DERA: variants seen among roughly 807,000 people sequenced by gnomAD.
DERA encodes the protein deoxyribose-phosphate aldolase.
A neutral mutation model predicts 41.1 loss-of-function variants in DERA; 15 were observed. That is an observed-to-expected ratio of 0.37 (90% CI 0.24 to 0.56). The LOEUF (loss-of-function observed/expected upper bound fraction) is 0.56, where lower values mean the gene tolerates loss of function less well. DERA is among the 20% of genes least tolerant of loss of function. The pLI, the probability that DERA is intolerant of heterozygous loss-of-function variation, is 0.81. For synonymous variants in DERA, 139 were observed against 137.4 expected (o/e 1.01, Z -0.08); for missense variants, 396 against 403.4 (o/e 0.98, Z 0.16).
intron 1 of DERA, among the ~76,000 whole-genome samples, chr12:15,942,206 G>A (rs1948413552): frequency 6.6e-6 from 1 of 152,054 alleles, no homozygotes; most frequent in African/African-American, 2.4e-5. Flanking sequence ...CTTTTAATGG[G>A]ATTACTTGTT....
Position 15,976,277 on chromosome 12 carries a change from T to TTGA in DERA, c.509-6030_509-6028dup, listed in dbSNP as rs1405860201. ...TGCCTTTTTATCAATTGCTTTGTGT[T>TTGA]TGACAATCTCTAGAACCTGCGGGTT... On this transcript the variant is annotated intron_variant, in intron 5 of 8. Coordinates refer to ENST00000428559, the MANE Select transcript of DERA (RefSeq NM_015954.4). This position sits in a 1 kb window ranked among gnomAD's most constrained non-coding sequence, Gnocchi z 4.1. 1.2e-4 allele frequency among the ~76,000 whole-genome samples: 18 copies of TTGA among 152,310 alleles called. No homozygotes were observed. Among genetic ancestry groups the TTGA allele is most frequent in the Non-Finnish European group, 2.9e-5 (2 of 68,028 alleles).
chr12:15,982,358 C>T lies in DERA; in HGVS notation c.559C>T (p.Leu187Phe), dbSNP rs752845152. ...TCGCAAGGCCTGTGGGGAGGCTCAT[C>T]TTAAAACTATATTAGCGACAGGAGA... ...QFRKACGEAH[L>F]KTILATGELG... Residue 187 changes from leucine (L) to phenylalanine (F), a missense_variant, in exon 6 of 9, where the codon CTT (leucine) becomes TTT (phenylalanine). Physicochemically the swap from Leu to Phe is conservative, Grantham distance 22 (BLOSUM62 0). Coordinates refer to ENST00000428559, the MANE Select transcript of DERA (RefSeq NM_015954.4). This position sits in a 1 kb window ranked among gnomAD's most constrained non-coding sequence, Gnocchi z 4.0. 1.6e-5 allele frequency: 26 copies of T among 1,613,810 alleles called. 1 individual carries two copies. In the South Asian group the frequency reaches 2.5e-4, roughly 16 times the overall value.
rs1948547823 is a variant in DERA at position 15,957,339 on chromosome 12, C to T, written c.129+306C>T. Among the ~76,000 whole-genome samples, 1 of 152,110 alleles carries T rather than the reference C, an allele frequency of 6.6e-6. No homozygotes were observed. Among genetic ancestry groups the T allele is most frequent in the Admixed American group, 6.5e-5 (1 of 15,278 alleles). On this transcript the variant is annotated intron_variant, in intron 2 of 8. Transcript: ENST00000428559. This position sits in a 1 kb window ranked among gnomAD's most constrained non-coding sequence, Gnocchi z 4.8. ...CATTTATTCAGTTTTTTAGACATGC[C>T]TTCTTTGGTTGTCTTCTGTTTTAAT...
intron 5 of DERA, among the ~76,000 whole-genome samples, chr12:15,978,864 A>G (rs575124459): frequency 1.3e-5 from 2 of 152,318 alleles, no homozygotes; most frequent in African/African-American, 2.4e-5. Context: ...TTCCTTGAGC[A>G]TGAACAATGT....
At chr12:15,930,768 G>A (rs1174341606) in intron 1 of DERA, among the ~76,000 whole-genome samples, 1 of 152,084 alleles carries the variant, frequency 6.6e-6, no homozygotes, top group South Asian at 2.1e-4. Context: ...CCCCTCATAA[G>A]ATATGCTTTT....
chr12:15,940,437 C>T lies in DERA; in HGVS notation c.32-16499C>T, dbSNP rs2136135863. On this transcript the variant is annotated intron_variant, in intron 1 of 8. Transcript: ENST00000428559. This position sits in a 1 kb window ranked among gnomAD's most constrained non-coding sequence, Gnocchi z 5.1. ...CATGATCTTGGCTCACTGCAACCTCCACCTCCCGGGTTCAAACGATTCTTC... is the reference window on the plus strand; with the variant it reads ...CATGATCTTGGCTCACTGCAACCTCTACCTCCCGGGTTCAAACGATTCTTC... Among the ~76,000 whole-genome samples the T allele has an allele frequency of 6.6e-6, 1 of 152,176 alleles. No individual in the cohort carries two copies. Among genetic ancestry groups the T allele is most frequent in the East Asian group, 1.9e-4 (1 of 5,180 alleles).
rs1255610101 is a variant in DERA, at chr12:16,017,706, AT to A, written c.638-14829del. On this transcript the variant is annotated intron_variant, in intron 6 of 8. Transcript: ENST00000428559. This position sits in a 1 kb window ranked among gnomAD's most constrained non-coding sequence, Gnocchi z 5.5. Reference sequence around the variant, plus strand: ...CTTATATCTTTGCATACCCTGCTTAATTTTTTTCCAAGTGTCCCATTGCAGA... The same window carrying A: ...CTTATATCTTTGCATACCCTGCTTAATTTTTTCCAAGTGTCCCATTGCAGA... Among the ~76,000 whole-genome samples the A allele has an allele frequency of 1.3e-5, 2 of 152,132 alleles. No individual in the cohort carries two copies. The highest frequency in any genetic ancestry group is 3.9e-4 in the East Asian group (2 of 5,194).
At chr12:15,933,573 A>G (rs1948344728) in intron 1 of DERA, among the ~76,000 whole-genome samples, 1 of 152,204 alleles carries the variant, frequency 6.6e-6, no homozygotes, top group Non-Finnish European at 1.5e-5. Context: ...TGGTATTTCA[A>G]GTCTAGAGTT....
Position 15,959,043 on chromosome 12 carries a change from G to T in DERA, c.277+708G>T, listed in dbSNP as rs1015643125. 6.6e-6 allele frequency among the ~76,000 whole-genome samples: 1 copy of T among 152,126 alleles called. No homozygotes were observed. Among genetic ancestry groups the T allele is most frequent in the Non-Finnish European group, 1.5e-5 (1 of 68,016 alleles). On this transcript the variant is annotated intron_variant, in intron 3 of 8. Coordinates refer to ENST00000428559, the MANE Select transcript of DERA (RefSeq NM_015954.4). This position sits in a 1 kb window ranked among gnomAD's most constrained non-coding sequence, Gnocchi z 4.5. ...CCATGGAGTATGCTTCATGGCCCCC[G>T]AGTGCCTATCTGCTGTGAGTGCAAC...
intron 1 of DERA, among the ~76,000 whole-genome samples, chr12:15,948,972 CCT>C (rs2136141329): frequency 6.6e-6 from 1 of 152,290 alleles, no homozygotes; most frequent in South Asian, 2.1e-4. Flanking sequence ...CACTCCAGAC[CCT>C]GTTTGCCTTG....
In DERA at chr12:16,014,154, G is replaced by A. The variant is rs865942621; in HGVS notation, c.638-18388G>A. Among the ~76,000 whole-genome samples, 3 of 152,186 alleles carry A rather than the reference G, an allele frequency of 2.0e-5. No homozygotes were observed. The highest frequency in any genetic ancestry group is 4.4e-5 in the Non-Finnish European group (3 of 68,034). ...TTTAGAAAATTTGCAGCCTGATGAT[G>A]TGATAGAAAAAAACCCACTTTCTGA... On this transcript the variant is annotated intron_variant, in intron 6 of 8. Coordinates refer to ENST00000428559, the MANE Select transcript of DERA (RefSeq NM_015954.4). The surrounding 1 kb of genome is among the most constrained non-coding windows in gnomAD (Gnocchi z 5.4).
chr12:15,949,354 G>A (rs1031552968), intron 1 of DERA, among the ~76,000 whole-genome samples: 10 of 152,062 alleles, frequency 6.6e-5, no homozygotes, highest in Non-Finnish European at 1.3e-4. Flanking sequence ...CACCCAGTTC[G>A]AGCTTCCCAG....
chr12:15,998,796 C>G lies in DERA; in HGVS notation c.637+16360C>G, dbSNP rs1422815073. Among the ~76,000 whole-genome samples, 1 of 152,130 alleles carries G rather than the reference C, an allele frequency of 6.6e-6. No homozygotes were observed. The highest frequency in any genetic ancestry group is 1.5e-5 in the Non-Finnish European group (1 of 68,024). On this transcript the variant is annotated intron_variant, in intron 6 of 8. Transcript: ENST00000428559. The surrounding 1 kb of genome is among the most constrained non-coding windows in gnomAD (Gnocchi z 4.8). The stretch of plus-strand genomic sequence containing the variant: ...CGCTGAACTTACATCCCCAAAGAAA[C>G]AAGATTGTACATTGTTGTTTGGTGT...
chr12:15,975,056 G>A (rs1427222544), intron 5 of DERA, among the ~76,000 whole-genome samples: 3 of 152,156 alleles, frequency 2.0e-5, no homozygotes, highest in Non-Finnish European at 4.4e-5. Context: ...CGCTCAGTGG[G>A]TTCACCTTGC....
rs1037434416 is a variant in DERA, at chr12:16,034,687, C to A, written c.751-1545C>A. Among the ~76,000 whole-genome samples the A allele has an allele frequency of 4.6e-5, 7 of 152,062 alleles. No homozygotes were observed. In the East Asian group the frequency reaches 1.4e-3, roughly 29 times the overall value. On this transcript the variant is annotated intron_variant, in intron 7 of 8. Coordinates refer to ENST00000428559, the MANE Select transcript of DERA (RefSeq NM_015954.4). ...AGCTTCCAGACCATGATTAGTGTCA[C>A]TCCTGAGAAGCAGAGGTTTAATATT...
At chr12:16,027,881 G>T (rs1300104553) in intron 6 of DERA, among the ~76,000 whole-genome samples, 1 of 152,188 alleles carries the variant, frequency 6.6e-6, no homozygotes, top group Non-Finnish European at 1.5e-5. Context: ...AAGGTTGCAC[G>T]ATGCATGGTT....
rs74065534 is a variant in DERA, at chr12:15,988,809, C to T, written c.637+6373C>T. Among the ~76,000 whole-genome samples the T allele has an allele frequency of 0.065, 9,831 of 152,232 alleles. 1,020 individuals carry two copies. The highest frequency in any genetic ancestry group is 0.22 in the African/African-American group (9,054 of 41,502). On this transcript the variant is annotated intron_variant, in intron 6 of 8. Transcript: ENST00000428559. The surrounding 1 kb of genome is among the most constrained non-coding windows in gnomAD (Gnocchi z 6.0). ...TTGTCCACGGCACCCAGGCTATTCACACTGAGGGGCGCCTGCAGACCCACA... is the reference window on the plus strand; with the variant it reads ...TTGTCCACGGCACCCAGGCTATTCATACTGAGGGGCGCCTGCAGACCCACA...
At chr12:15,920,516 T>C (rs1948235234) in intron 1 of DERA, among the ~76,000 whole-genome samples, 1 of 152,188 alleles carries the variant, frequency 6.6e-6, no homozygotes, top group African/African-American at 2.4e-5. Flanking sequence ...CACAGATTCC[T>C]GAGCCCCACA....
At chr12:15,956,540 A>G (rs770455876) in intron 1 of DERA, 6 of 353,838 alleles carry the variant, frequency 1.7e-5, no homozygotes, top group Non-Finnish European at 3.3e-5. Flanking sequence ...AGATTTGTTA[A>G]TCATTTGCTC....
Sources: allele counts gnomAD v4.1 joint callset (sites outside exome capture counted in the v4.1 genomes callset), GRCh38; gene constraint gnomAD v4.1.1; non-coding constraint Gnocchi (gnomAD v3.1); transcripts MANE v1.5; gene names NCBI Gene and HGNC (gene_info 2026-07-23, HGNC 2026-07-21).